CA10: variants seen among roughly 807,000 people sequenced by gnomAD.
The protein encoded by CA10 is carbonic anhydrase 10 (inactive).
CA10 carries 14 observed loss-of-function variants against 44.2 expected under a neutral mutation model. That is an observed-to-expected ratio of 0.32 (90% CI 0.21 to 0.50). CA10 has a LOEUF of 0.50. CA10 is among the 20% of genes least tolerant of loss of function. The probability of loss-of-function intolerance (pLI) is 0.99; values close to 1 mark genes in which losing one functional copy is unlikely to be tolerated. For synonymous variants in CA10, 159 were observed against 141.6 expected (o/e 1.12, Z -0.87); for missense variants, 350 against 409.7 (o/e 0.85, Z 1.26).
At chr17:51,731,148 G>A (rs536209627) in intron 4 of CA10, among the ~76,000 whole-genome samples, 373 of 152,298 alleles carry the variant, frequency 2.4e-3, no homozygotes, top group Middle Eastern at 0.024. Flanking sequence ...GGAGGCCAAG[G>A]TGGGTAGATC....
chr17:52,159,572 G>A (rs1989897895), upstream of CA10: 1 of 152,404 alleles, frequency 6.6e-6, no homozygotes, highest in Non-Finnish European at 1.5e-5. Flanking sequence ...ACACTCAGCA[G>A]CTTCCACTGA....
intron 3 of CA10, among the ~76,000 whole-genome samples, chr17:51,786,974 T>C (rs11079982): frequency 0.24 from 35,911 of 152,158 alleles, 4,442 homozygotes; most frequent in Middle Eastern, 0.38. Context: ...TGATGTATTA[T>C]ACTGATTGAT....
chr17:51,965,813 G>T, intron 2 of CA10, among the ~76,000 whole-genome samples: 1 of 151,800 alleles, frequency 6.6e-6, no homozygotes, highest in Non-Finnish European at 1.5e-5. Flanking sequence ...GATAAAACAA[G>T]GATGCCCATT....
chr17:51,632,097 C>A (rs529850458), intron 8 of CA10, among the ~76,000 whole-genome samples: 3 of 152,154 alleles, frequency 2.0e-5, no homozygotes, highest in Non-Finnish European at 2.9e-5. Context: ...CACAGCCATA[C>A]CCATTCATTT....
chr17:51,967,324 A>G (rs902186885), intron 2 of CA10, among the ~76,000 whole-genome samples: 11 of 100,074 alleles, frequency 1.1e-4, no homozygotes, highest in Non-Finnish European at 1.9e-4. Context: ...CAACAATTCC[A>G]TTACTGGAGA....
intron 3 of CA10, among the ~76,000 whole-genome samples, chr17:51,755,691 G>A (rs944599519): frequency 7.2e-5 from 11 of 152,242 alleles, no homozygotes; most frequent in African/African-American, 2.7e-4. Flanking sequence ...GAAAGGAAGG[G>A]TGGAGGACAC....
chr17:51,663,752 A>C (rs1914100190), intron 4 of CA10, among the ~76,000 whole-genome samples: 1 of 152,190 alleles, frequency 6.6e-6, no homozygotes, highest in Non-Finnish European at 1.5e-5. Context: ...GGCTCTGATA[A>C]AGGGAGAGGC....
intron 3 of CA10, among the ~76,000 whole-genome samples, chr17:51,757,938 GAA>G (rs372365669): frequency 3.9e-5 from 6 of 152,226 alleles, no homozygotes; most frequent in Admixed American, 1.3e-4. Context: ...GGGCTGTTAG[GAA>G]AAGAGTGGCT....
chr17:52,060,599 G>A (rs1987355890), intron 2 of CA10, among the ~76,000 whole-genome samples: 1 of 152,116 alleles, frequency 6.6e-6, no homozygotes, highest in African/African-American at 2.4e-5. Flanking sequence ...CACCTGGAAA[G>A]GCTTTCTAAA....
At chr17:51,701,140 T>A (rs1436256956) in intron 4 of CA10, among the ~76,000 whole-genome samples, 2 of 152,122 alleles carry the variant, frequency 1.3e-5, no homozygotes, top group Non-Finnish European at 2.9e-5. Flanking sequence ...CAGGGTTGGT[T>A]CCTTCTGGAG....
intron 3 of CA10, among the ~76,000 whole-genome samples, chr17:51,752,638 A>C (rs1350956205): frequency 6.6e-6 from 1 of 151,954 alleles, no homozygotes; most frequent in East Asian, 1.9e-4. Flanking sequence ...AAAAAAAAAT[A>C]CTTTGGGGGG....
At chr17:51,855,220 T>C (rs1216394629) in intron 3 of CA10, among the ~76,000 whole-genome samples, 1 of 152,168 alleles carries the variant, frequency 6.6e-6, no homozygotes, top group Non-Finnish European at 1.5e-5. Flanking sequence ...AGAGGTAAAA[T>C]AGTTACTGTC....
At chr17:51,701,488 A>T (rs776110326) in intron 4 of CA10, among the ~76,000 whole-genome samples, 90 of 134,986 alleles carry the variant, frequency 6.7e-4, no homozygotes, top group Admixed American at 3.4e-3. Context: ...TTATTTATTT[A>T]TTTTTTTTAT....
intron 3 of CA10, among the ~76,000 whole-genome samples, chr17:51,789,791 G>A (rs188837755): frequency 5.3e-5 from 8 of 152,300 alleles, no homozygotes; most frequent in African/African-American, 1.7e-4. Flanking sequence ...TCCATGCATA[G>A]GATAGTAGGT....
chr17:51,915,467 A>G (rs1981957300), intron 3 of CA10, among the ~76,000 whole-genome samples: 1 of 152,206 alleles, frequency 6.6e-6, no homozygotes, highest in Admixed American at 6.5e-5. Flanking sequence ...AGTTTGTGTA[A>G]CATTCAGCTT....
intron 1 of CA10, among the ~76,000 whole-genome samples, chr17:52,099,464 CTGTT>C (rs1988485197): frequency 6.6e-6 from 1 of 152,092 alleles, no homozygotes; most frequent in South Asian, 2.1e-4. Flanking sequence ...GCTACTTTTT[CTGTT>C]TGTTTTTGGC....
intron 4 of CA10, among the ~76,000 whole-genome samples, chr17:51,714,770 C>T (rs940284664): frequency 6.6e-6 from 1 of 152,164 alleles, no homozygotes; most frequent in Non-Finnish European, 1.5e-5. Flanking sequence ...TTTAAATCTA[C>T]ACCTATGAGG....
chr17:51,845,609 A>T (rs917486459), intron 3 of CA10, among the ~76,000 whole-genome samples: 14 of 152,206 alleles, frequency 9.2e-5, no homozygotes, highest in Admixed American at 6.5e-5. Flanking sequence ...CTCAGATCCA[A>T]TTTCCCCAAC....
At chr17:51,822,295 G>A (rs1338888653) in intron 3 of CA10, among the ~76,000 whole-genome samples, 3 of 152,118 alleles carry the variant, frequency 2.0e-5, no homozygotes, top group Middle Eastern at 3.4e-3. Context: ...GCGTGTGCCT[G>A]TAATCCCAGC....
Sources: allele counts gnomAD v4.1 joint callset (sites outside exome capture counted in the v4.1 genomes callset), GRCh38; gene constraint gnomAD v4.1.1; transcripts MANE v1.5; gene names NCBI Gene and HGNC (gene_info 2026-07-23, HGNC 2026-07-21).